The following PIBF1 variants were observed in gnomAD, a reference collection of about 807,000 sequenced individuals.
PIBF1 encodes the protein progesterone immunomodulatory binding factor 1.
Under a neutral mutation model 112.5 loss-of-function variants are expected in PIBF1, and 90 were observed. The ratio of observed to expected loss-of-function variants is 0.80; its 90% confidence interval spans 0.67 to 0.95. PIBF1 has a LOEUF of 0.95. Among genes scored for constraint, PIBF1 ranks in the 40% least tolerant of loss-of-function variants. The probability of loss-of-function intolerance (pLI) is 0.00; values close to 1 mark genes in which losing one functional copy is unlikely to be tolerated. For missense variants in PIBF1, 915 were observed against 852.3 expected, an observed-to-expected ratio of 1.07 and a Z score of -0.92; for synonymous variants, 301 against 288.6, an observed-to-expected ratio of 1.04 and a Z score of -0.44.
At chr13:72,827,987 G>A in intron 8 of PIBF1, 73 bp downstream of exon 8, 1 of 1,074,384 alleles carries the variant, frequency 9.3e-7, no homozygotes, top group Non-Finnish European at 1.3e-6. Flanking sequence ...TCTTGGCTTT[G>A]GGGAAGATTT....
chr13:72,967,847 T>TCTAATA (rs1156886025), intron 15 of PIBF1, among the ~76,000 whole-genome samples: 1 of 152,118 alleles, frequency 6.6e-6, no homozygotes, highest in Non-Finnish European at 1.5e-5. Context: ...ATTTAAACTC[T>TCTAATA]CTAATACCTC....
intron 14 of PIBF1, among the ~76,000 whole-genome samples, chr13:72,932,598 T>C (rs1318977903): frequency 6.6e-6 from 1 of 152,142 alleles, no homozygotes. Context: ...CCACCATGGC[T>C]GACTTCAAAC....
chr13:72,924,412 TACA>T (rs2041408852), intron 13 of PIBF1, among the ~76,000 whole-genome samples: 2 of 152,104 alleles, frequency 1.3e-5, no homozygotes, highest in South Asian at 4.2e-4. Flanking sequence ...AAAATGCACT[TACA>T]ACAAGATCAG....
chr13:72,985,371 C>CAAAA (rs67195605), intron 16 of PIBF1, among the ~76,000 whole-genome samples: 70 of 76,248 alleles, frequency 9.2e-4, no homozygotes, highest in East Asian at 1.8e-3. Flanking sequence ...ACTAAAAATA[C>CAAAA]AAAAAAAAAA....
rs759264027 is a variant in PIBF1 at position 72,797,901 on chromosome 13, T to G, written c.553-6T>G. On this transcript the variant is annotated splice_region_variant and splice_polypyrimidine_tract_variant and intron_variant, in intron 4 of 17. Coordinates refer to ENST00000326291, the MANE Select transcript of PIBF1 (RefSeq NM_006346.4). ...AAGACTGCTTATTAATTTAATTTTT[T>G]TCAAGGTTCGCTTCTATGAGCTAGT... 4.4e-6 allele frequency: 7 copies of G among 1,577,072 alleles called. No individual in the cohort carries two copies. The African/African-American group carries it at 9.6e-5, about 22-fold the overall frequency.
At chr13:72,884,571 T>A (rs2039771114) in intron 10 of PIBF1, 1 of 152,162 alleles carries the variant, frequency 6.6e-6, no homozygotes, top group Non-Finnish European at 1.5e-5. Context: ...AAAATTAGAG[T>A]TTGTTTAATT....
At chr13:72,982,154 T>C (rs1051422092) in intron 16 of PIBF1, among the ~76,000 whole-genome samples, 2 of 152,190 alleles carry the variant, frequency 1.3e-5, no homozygotes, top group African/African-American at 4.8e-5. Flanking sequence ...TATCTATCAT[T>C]TGAGACTGGG....
chr13:72,951,097 G>A (rs1395688114), intron 14 of PIBF1, among the ~76,000 whole-genome samples: 2 of 152,228 alleles, frequency 1.3e-5, no homozygotes, highest in African/African-American at 4.8e-5. Context: ...ATATTTCTTT[G>A]TGGATAATTA....
chr13:72,819,755 T>C (rs2036455921), intron 5 of PIBF1, among the ~76,000 whole-genome samples: 1 of 152,102 alleles, frequency 6.6e-6, no homozygotes, highest in African/African-American at 2.4e-5. Flanking sequence ...ACACTCTACC[T>C]TCTGCCCCTA....
chr13:72,931,357 A>G, intron 14 of PIBF1, 90 bp downstream of exon 14: 1 of 870,988 alleles, frequency 1.1e-6, no homozygotes, highest in Non-Finnish European at 1.8e-6. Context: ...GTTTTAAAAT[A>G]AGCTGTTTGC....
intron 16 of PIBF1, among the ~76,000 whole-genome samples, chr13:72,995,556 ATGT>A (rs2043625074): frequency 6.6e-6 from 1 of 152,164 alleles, no homozygotes; most frequent in South Asian, 2.1e-4. Flanking sequence ...TCAGTACATG[ATGT>A]TGTTATAGGA....
chr13:73,005,247 A>G (rs2043995490), intron 17 of PIBF1, among the ~76,000 whole-genome samples: 2 of 152,006 alleles, frequency 1.3e-5, no homozygotes, highest in African/African-American at 2.4e-5. Flanking sequence ...TCTTTTTAAA[A>G]ACTTTTTAAA....
In PIBF1 at chr13:72,820,182, A is replaced by G. The variant is rs114027116; in HGVS notation, c.673-1667A>G. 7.0e-3 allele frequency among the ~76,000 whole-genome samples: 1,061 copies of G among 152,254 alleles called. 14 individuals are homozygous for G. Among genetic ancestry groups the G allele is most frequent in the African/African-American group, 0.024 (1,015 of 41,548 alleles). ...ATATGCTTCACAAGAACTCTGAGGT[A>G]GGACACCAGAATAGAGAGGTAAACT... On this transcript the variant is annotated intron_variant, in intron 5 of 17. Coordinates refer to ENST00000326291, the MANE Select transcript of PIBF1 (RefSeq NM_006346.4).
At chr13:72,983,414 G>T (rs139073565) in intron 16 of PIBF1, among the ~76,000 whole-genome samples, 7 of 152,280 alleles carry the variant, frequency 4.6e-5, no homozygotes, top group African/African-American at 1.7e-4. Context: ...TATTTAACCA[G>T]AATTAATCAA....
At position 73,014,664 on chromosome 13, in the gene PIBF1, C is replaced by T. The variant is rs77594623; in HGVS notation, c.2224-1205C>T. Among the ~76,000 whole-genome samples the T allele has an allele frequency of 9.8e-3, 1,485 of 152,056 alleles. 68 individuals are homozygous for T. Among genetic ancestry groups the T allele is most frequent in the East Asian group, 9.5e-3 (49 of 5,166 alleles). On this transcript the variant is annotated intron_variant, in intron 17 of 17. Transcript: ENST00000326291. ...GGAAGAGTCTGTGCATGTGTGGAGC[C>T]GGAGAGTATATGGGATATCTCTGTA... is the stretch of plus-strand genomic sequence containing the variant.
chr13:72,802,065 A>C (rs2035509821), intron 5 of PIBF1, among the ~76,000 whole-genome samples: 1 of 152,220 alleles, frequency 6.6e-6, no homozygotes, highest in South Asian at 2.1e-4. Flanking sequence ...ATAACATACA[A>C]AATATGTACT....
intron 8 of PIBF1, among the ~76,000 whole-genome samples, chr13:72,830,135 G>C (rs2037030302): frequency 6.6e-6 from 1 of 152,160 alleles, no homozygotes; most frequent in Admixed American, 6.5e-5. Context: ...TGTATCCTGA[G>C]ACTTTGCTGA....
chr13:72,913,360 A>G (rs2040963580), intron 12 of PIBF1, among the ~76,000 whole-genome samples: 1 of 152,154 alleles, frequency 6.6e-6, no homozygotes, highest in African/African-American at 2.4e-5. Flanking sequence ...GATGATTTGC[A>G]TGTTAAACTG....
At chr13:72,894,517 A>G (rs1463704269) in intron 11 of PIBF1, among the ~76,000 whole-genome samples, 1 of 151,932 alleles carries the variant, frequency 6.6e-6, no homozygotes, top group Non-Finnish European at 1.5e-5. Context: ...ACACAAAATT[A>G]GTTCACAAAT....
Sources: allele counts gnomAD v4.1 joint callset (sites outside exome capture counted in the v4.1 genomes callset), GRCh38; gene constraint gnomAD v4.1.1; transcripts MANE v1.5; gene names NCBI Gene and HGNC (gene_info 2026-07-23, HGNC 2026-07-21).